LMAN2: variants seen among roughly 807,000 people sequenced by gnomAD.
LMAN2 encodes the protein lectin, mannose binding 2.
LMAN2 carries 22 observed loss-of-function variants against 39.3 expected under a neutral mutation model. The observed-to-expected ratio is 0.56, with a 90% CI of 0.40 to 0.80. The LOEUF is 0.80. Ranked by LOEUF, LMAN2 falls within the 30% of genes least tolerant of loss-of-function variation. The pLI is 0.00. For missense variants in LMAN2, 494 were observed against 505.4 expected (o/e 0.98, Z 0.22); for synonymous variants, 207 against 207.8 (o/e 1.00, Z 0.03).
At chr5:177,347,729 G>A (rs1319514628) in intron 2 of LMAN2, among the ~76,000 whole-genome samples, 2 of 152,126 alleles carry the variant, frequency 1.3e-5, no homozygotes, top group Admixed American at 6.5e-5. Flanking sequence ...ACAGTCAGCC[G>A]AAACATCATC....
At chr5:177,345,337 T>C (rs568085718) in intron 2 of LMAN2, among the ~76,000 whole-genome samples, 3 of 73,992 alleles carry the variant, frequency 4.1e-5, no homozygotes, top group Non-Finnish European at 7.1e-5. Context: ...TAAGACCCTG[T>C]CTAAAAAAAA....
intron 2 of LMAN2, among the ~76,000 whole-genome samples, chr5:177,345,806 C>T (rs1265274389): frequency 1.3e-5 from 2 of 151,710 alleles, no homozygotes; most frequent in Non-Finnish European, 2.9e-5. Context: ...CTCGCTCTGT[C>T]GCCCAGGCTG....
At chr5:177,338,217 A>G (rs1013513600) in intron 3 of LMAN2, among the ~76,000 whole-genome samples, 2 of 152,178 alleles carry the variant, frequency 1.3e-5, no homozygotes, top group African/African-American at 2.4e-5. Flanking sequence ...TTTTACAACA[A>G]TAACTGTTTA....
In LMAN2 at chr5:177,351,646, ATTCTCCTCTCCTCTC is replaced by A; in HGVS notation, c.-14_1del. On this transcript the variant is annotated start_lost and 5_prime_UTR_variant, in exon 1 of 8. Transcript: ENST00000303127. ...ACGCCAAATCCAGCCTTCCGCCGCC[ATTCTCCTCTCCTCTC>A]GGCCACTTCCGCCCTAGAACTTCCG... 6.3e-7 allele frequency: 1 copy of A among 1,588,786 alleles called. No individual in the cohort carries two copies. Among genetic ancestry groups the A allele is most frequent in the East Asian group, 2.2e-5 (1 of 44,602 alleles).
At chr5:177,333,792 A>G (rs991095206) in intron 7 of LMAN2, among the ~76,000 whole-genome samples, 27 of 152,232 alleles carry the variant, frequency 1.8e-4, no homozygotes, top group Admixed American at 1.6e-3. Flanking sequence ...TAGAAACCCA[A>G]TTTCCAATCT....
At position 177,351,287 on chromosome 5, in the gene LMAN2, G is replaced by A; in HGVS notation, c.201C>T (p.Val67=). 1 of 1,613,834 alleles carries A rather than the reference G, an allele frequency of 6.2e-7. No homozygotes were observed. Among genetic ancestry groups the A allele is most frequent in the Non-Finnish European group, 8.5e-7 (1 of 1,179,980 alleles). Reference sequence around the variant, plus strand: ...CCCAGAGGGGCATAGAGCTGGAACCGACCCCTGTGGGAAGAGACAGGTGCT... The same window carrying A: ...CCCAGAGGGGCATAGAGCTGGAACCAACCCCTGTGGGAAGAGACAGGTGCT... ...EHSLIKPYQG[V]GSSSMPLWDF... Residue 67 remains valine (V), a synonymous_variant, in exon 2 of 8, where the codon GTC becomes GTT. Transcript: ENST00000303127.
At chr5:177,347,127 A>T (rs144939268) in intron 2 of LMAN2, among the ~76,000 whole-genome samples, 60 of 152,346 alleles carry the variant, frequency 3.9e-4, no homozygotes, top group East Asian at 9.6e-4. Flanking sequence ...TTTAAAAAAA[A>T]ATATCTCACA....
At chr5:177,350,978 T>C (rs982249627) in intron 2 of LMAN2, among the ~76,000 whole-genome samples, 195 bp downstream of exon 2, 1 of 152,190 alleles carries the variant, frequency 6.6e-6, no homozygotes, top group Non-Finnish European at 1.5e-5. Context: ...GGATGTAAAG[T>C]GTCAAGCGCA....
intron 2 of LMAN2, among the ~76,000 whole-genome samples, chr5:177,340,500 G>A (rs762835993): frequency 3.3e-5 from 5 of 152,114 alleles, no homozygotes; most frequent in South Asian, 2.1e-4. Flanking sequence ...AATCTTGGCC[G>A]GGTGCAGTGG....
intron 2 of LMAN2, among the ~76,000 whole-genome samples, chr5:177,350,422 T>G (rs954053522): frequency 6.6e-6 from 1 of 152,182 alleles, no homozygotes; most frequent in African/African-American, 2.4e-5. Flanking sequence ...GGATTCTGTG[T>G]AGCAGCTGTC....
chr5:177,342,979 C>T (rs1761579568), intron 2 of LMAN2, among the ~76,000 whole-genome samples: 1 of 151,992 alleles, frequency 6.6e-6, no homozygotes. Flanking sequence ...CTAGGCCGGG[C>T]GCGGTGGCTC....
At chr5:177,347,549 G>A (rs186269820) in intron 2 of LMAN2, among the ~76,000 whole-genome samples, 7 of 152,152 alleles carry the variant, frequency 4.6e-5, no homozygotes, top group Non-Finnish European at 8.8e-5. Context: ...AACACGATAT[G>A]ACCACAGTTC....
In LMAN2 at chr5:177,332,026, T is replaced by G; in HGVS notation, c.*60A>C. 2.4e-6 allele frequency: 3 copies of G among 1,259,398 alleles called. No individual in the cohort carries two copies. The highest frequency in any genetic ancestry group is 1.5e-5 in the South Asian group (1 of 66,308). 78.0% of individuals were successfully genotyped at this position (1,259,398 alleles called of 1,614,324 possible). On this transcript the variant is annotated 3_prime_UTR_variant, in exon 8 of 8. Transcript: ENST00000303127. This position sits in a 1 kb window ranked among gnomAD's most constrained non-coding sequence, Gnocchi z 6.3. ...TCTTGTTGTTCTTTTATAATCCCGG[T>G]AAAAAAAAAAGTTCACATTGGCTCC...
intron 2 of LMAN2, 142 bp from the exon 3 acceptor site, chr5:177,338,747 G>A: frequency 1.4e-6 from 1 of 711,288 alleles, no homozygotes; most frequent in Non-Finnish European, 2.5e-6. Context: ...AGGGCCACAA[G>A]TGCCACTGAC....
intron 2 of LMAN2, among the ~76,000 whole-genome samples, chr5:177,343,654 C>T (rs921238399): frequency 1.1e-5 from 1 of 92,708 alleles, no homozygotes; most frequent in Admixed American, 1.0e-4. Context: ...TATGGAGGAA[C>T]GTTCAACATA....
At chr5:177,345,338 C>CA (rs1761617480) in intron 2 of LMAN2, among the ~76,000 whole-genome samples, 9 of 36,696 alleles carry the variant, frequency 2.5e-4, no homozygotes, top group African/African-American at 6.8e-4. Flanking sequence ...AAGACCCTGT[C>CA]TAAAAAAAAA....
chr5:177,333,071 C>G (rs1761414684), intron 7 of LMAN2, among the ~76,000 whole-genome samples: 1 of 152,228 alleles, frequency 6.6e-6, no homozygotes, highest in South Asian at 2.1e-4. Flanking sequence ...CTGCCACCAG[C>G]AGGCCTGCTG....
intron 2 of LMAN2, chr5:177,346,443 A>C: frequency 2.5e-6 from 1 of 398,528 alleles, no homozygotes; most frequent in Non-Finnish European, 4.1e-6. Flanking sequence ...TATTTTAATA[A>C]ATTGATTACC....
chr5:177,340,544 G>A (rs1761535073), intron 2 of LMAN2, among the ~76,000 whole-genome samples: 1 of 152,158 alleles, frequency 6.6e-6, no homozygotes, highest in Admixed American at 6.5e-5. Flanking sequence ...TTGGGAGGCT[G>A]AGGCAGGTGG....
Sources: allele counts gnomAD v4.1 joint callset (sites outside exome capture counted in the v4.1 genomes callset), GRCh38; gene constraint gnomAD v4.1.1; non-coding constraint Gnocchi (gnomAD v3.1); transcripts MANE v1.5; gene names NCBI Gene and HGNC (gene_info 2026-07-23, HGNC 2026-07-21).